Variants in DNAJC1 observed in about 807,000 individuals in gnomAD.
The protein encoded by DNAJC1 is dnaJ homolog subfamily C member 1.
A neutral mutation model predicts 76.6 loss-of-function variants in DNAJC1; 58 were observed. The observed-to-expected ratio is 0.76, with a 90% CI of 0.61 to 0.94. DNAJC1 has a LOEUF of 0.94. DNAJC1 is among the 40% of genes least tolerant of loss of function. DNAJC1 has a pLI of 0.00. For missense variants in DNAJC1, 689 were observed against 677.3 expected (o/e 1.02, Z -0.19); for synonymous variants, 258 against 267.9 (o/e 0.96, Z 0.36).
At chr10:21,953,357 G>A (rs1023183700) in intron 1 of DNAJC1, among the ~76,000 whole-genome samples, 1 of 151,556 alleles carries the variant, frequency 6.6e-6, no homozygotes, top group African/African-American at 2.4e-5. Flanking sequence ...ATTTATACTA[G>A]ATAGAAATGT....
intron 7 of DNAJC1, among the ~76,000 whole-genome samples, chr10:21,889,665 T>C (rs1039250994): frequency 3.9e-5 from 6 of 152,188 alleles, no homozygotes; most frequent in Admixed American, 6.5e-5. Flanking sequence ...GTGTTTCTTA[T>C]GTATCTCAGA....
intron 1 of DNAJC1, among the ~76,000 whole-genome samples, chr10:21,977,739 T>G (rs1838089033): frequency 6.6e-6 from 1 of 152,182 alleles, no homozygotes. Flanking sequence ...TATGTTATAG[T>G]GCAACCCTGC....
intron 8 of DNAJC1, among the ~76,000 whole-genome samples, chr10:21,853,148 A>G (rs1157492456): frequency 6.6e-6 from 1 of 152,134 alleles, no homozygotes; most frequent in Admixed American, 6.5e-5. Flanking sequence ...AAAAACTTCT[A>G]CATTTTGTTA....
intron 8 of DNAJC1, among the ~76,000 whole-genome samples, chr10:21,876,789 G>C (rs1323361746): frequency 6.6e-6 from 1 of 152,172 alleles, no homozygotes; most frequent in African/African-American, 2.4e-5. Context: ...TTGTAGAGCT[G>C]TAGGAAGCAA....
At chr10:21,908,242 TA>T (rs996042658) in intron 6 of DNAJC1, among the ~76,000 whole-genome samples, 12 of 37,114 alleles carry the variant, frequency 3.2e-4, no homozygotes, top group African/African-American at 1.1e-3. Flanking sequence ...AAAATATATA[TA>T]ATATAGAGAA....
intron 8 of DNAJC1, among the ~76,000 whole-genome samples, chr10:21,857,089 A>G (rs1303032046): frequency 6.6e-6 from 1 of 152,080 alleles, no homozygotes; most frequent in Non-Finnish European, 1.5e-5. Context: ...ATTCTGGAAT[A>G]CTCCATAATA....
intron 7 of DNAJC1, among the ~76,000 whole-genome samples, chr10:21,887,237 G>A (rs1836381223): frequency 6.6e-6 from 1 of 152,116 alleles, no homozygotes; most frequent in Non-Finnish European, 1.5e-5. Flanking sequence ...AGAAATCAGA[G>A]AAGACACAAA....
chr10:21,963,163 T>C (rs1837828773), intron 1 of DNAJC1, among the ~76,000 whole-genome samples: 1 of 152,214 alleles, frequency 6.6e-6, no homozygotes, highest in Admixed American at 6.5e-5. Flanking sequence ...AAATACACTT[T>C]ATAAAAACAA....
chr10:21,847,768 T>C (rs192826119), intron 8 of DNAJC1, among the ~76,000 whole-genome samples: 3 of 152,120 alleles, frequency 2.0e-5, no homozygotes, highest in Non-Finnish European at 2.9e-5. Flanking sequence ...TAACAGAATT[T>C]CATTCTTTTT....
intron 8 of DNAJC1, among the ~76,000 whole-genome samples, chr10:21,875,833 G>A (rs1836178433): frequency 6.6e-6 from 1 of 152,116 alleles, no homozygotes; most frequent in Non-Finnish European, 1.5e-5. Context: ...GCTGAGGCAG[G>A]AGAATCACTT....
At chr10:21,776,515 AACT>A (rs1284688449) in intron 9 of DNAJC1, among the ~76,000 whole-genome samples, 3 of 152,296 alleles carry the variant, frequency 2.0e-5, no homozygotes, top group East Asian at 1.9e-4. Context: ...TACAAGTAAG[AACT>A]ACTACAGCGT....
In DNAJC1 at chr10:22,003,361, G is replaced by A. The variant is rs1236323704; in HGVS notation, c.74C>T (p.Pro25Leu). 2 of 1,413,826 alleles carry A rather than the reference G, an allele frequency of 1.4e-6. No homozygotes were observed. Among genetic ancestry groups the A allele is most frequent in the Non-Finnish European group, 1.8e-6 (2 of 1,087,676 alleles). 87.6% of individuals were successfully genotyped at this position (1,413,826 alleles called of 1,614,324 possible). A position where few individuals can be genotyped will look rare whatever the true frequency, so the allele number is the denominator to read the frequency against. The change falls in exon 1 of 12, where the codon CCG (proline) becomes CTG (leucine). Residue 25 changes from proline (P) to leucine (L), a missense_variant. By Grantham distance (98) the Pro-to-Leu change is moderately conservative (BLOSUM62 -3). Transcript: ENST00000376980. ...RQLGLVPFPP[P>L]PPRTPLLWLL... is the part of the protein sequence containing the mutation. ...CCACAGCAGCGGCGTCCGCGGCGGCGGCGGCGGGAACGGCACCAGCCCGAG... is the reference window on the plus strand; with the variant it reads ...CCACAGCAGCGGCGTCCGCGGCGGCAGCGGCGGGAACGGCACCAGCCCGAG...
At chr10:21,960,994 T>C (rs1293081224) in intron 1 of DNAJC1, among the ~76,000 whole-genome samples, 2 of 152,192 alleles carry the variant, frequency 1.3e-5, no homozygotes, top group South Asian at 2.1e-4. Flanking sequence ...ATGCCATCAT[T>C]AGCCATTAAG....
At chr10:21,869,938 A>G (rs1160171979) in intron 8 of DNAJC1, among the ~76,000 whole-genome samples, 1 of 152,102 alleles carries the variant, frequency 6.6e-6, no homozygotes, top group East Asian at 1.9e-4. Context: ...TAAAATAAAA[A>G]CTTGATAAAA....
At chr10:21,763,077 T>C (rs1834259599) in intron 10 of DNAJC1, among the ~76,000 whole-genome samples, 1 of 152,118 alleles carries the variant, frequency 6.6e-6, no homozygotes, top group South Asian at 2.1e-4. Flanking sequence ...ACCACAGGCA[T>C]GGGCCACAAC....
rs1336781207 is a variant in DNAJC1 at position 21,882,272 on chromosome 10, G to A, written c.978+10C>T. 9 of 1,588,854 alleles carry A rather than the reference G, an allele frequency of 5.7e-6. 1 individual carries two copies. The highest frequency in any genetic ancestry group is 1.9e-5 in the Admixed American group (1 of 52,294). The stretch of plus-strand genomic sequence containing the variant: ...TTTTACTCAAAACAAGTTTTATAAA[G>A]CTTATTTACCTGTTTTTTCTGTGTT... On this transcript the variant is annotated intron_variant, in intron 8 of 11. Coordinates refer to ENST00000376980, the MANE Select transcript of DNAJC1 (RefSeq NM_022365.4).
intron 1 of DNAJC1, among the ~76,000 whole-genome samples, chr10:21,959,220 G>A (rs1283030818): frequency 6.6e-6 from 1 of 151,978 alleles, no homozygotes; most frequent in Non-Finnish European, 1.5e-5. Context: ...TGCCTTCCGG[G>A]TTCAAGCAAT....
At chr10:22,000,553 C>T (rs568693821) in intron 1 of DNAJC1, among the ~76,000 whole-genome samples, 2 of 152,364 alleles carry the variant, frequency 1.3e-5, no homozygotes, top group South Asian at 4.1e-4. Context: ...AAGCTCTTGC[C>T]TCCTGGCCTT....
rs75644834 is a variant in DNAJC1 at position 21,917,069 on chromosome 10, G to A, written c.729+1710C>T. Among the ~76,000 whole-genome samples the A allele has an allele frequency of 2.8e-4, 42 of 152,016 alleles. 1 individual carries two copies. In the East Asian group the frequency reaches 8.1e-3, roughly 29 times the overall value. On this transcript the variant is annotated intron_variant, in intron 6 of 11. Coordinates refer to ENST00000376980, the MANE Select transcript of DNAJC1 (RefSeq NM_022365.4). Reference sequence around the variant, plus strand: ...CCCTAATGCCTAGCATCTCAAAACCGAAAGGCCAGCAGATACCATCAAGTA... The same window carrying A: ...CCCTAATGCCTAGCATCTCAAAACCAAAAGGCCAGCAGATACCATCAAGTA...
Sources: gnomAD v4.1 joint callset for allele counts (sites outside exome capture counted in the v4.1 genomes callset) on GRCh38, gnomAD v4.1.1 for gene constraint, MANE v1.5 for transcripts, NCBI Gene and HGNC (gene_info 2026-07-23, HGNC 2026-07-21) for gene names.